RANBP2: variants seen among roughly 807,000 people sequenced by gnomAD.
RANBP2 encodes the protein E3 SUMO-protein ligase RanBP2.
RANBP2 carries 57 observed loss-of-function variants against 303.6 expected under a neutral mutation model. That is an observed-to-expected ratio of 0.19 (90% CI 0.15 to 0.23). The LOEUF (loss-of-function observed/expected upper bound fraction) is 0.23. RANBP2 is among the 10% of genes least tolerant of loss of function. The pLI is 1.00. For missense variants in RANBP2, 3,138 were observed against 3,780.8 expected, an observed-to-expected ratio of 0.83 and a Z score of 4.46; for synonymous variants, 1,167 against 1,301.5, an observed-to-expected ratio of 0.90 and a Z score of 2.23.
the RANBP2 span, among the ~76,000 whole-genome samples, chr2:109,113,040 T>C: frequency 6.6e-6 from 1 of 152,196 alleles, no homozygotes; most frequent in Non-Finnish European, 1.5e-5. Flanking sequence ...ACTGTAGCCT[T>C]GTAGTATAGT....
chr2:109,287,604 G>T, the RANBP2 span, among the ~76,000 whole-genome samples: 2 of 152,156 alleles, frequency 1.3e-5, no homozygotes, highest in African/African-American at 2.4e-5. Flanking sequence ...ATACCCAGGC[G>T]CAGGTGGTTG....
the RANBP2 span, among the ~76,000 whole-genome samples, chr2:109,159,482 A>G: frequency 6.6e-6 from 1 of 152,320 alleles, no homozygotes; most frequent in Non-Finnish European, 1.5e-5. Flanking sequence ...GGCTTGTTTT[A>G]CAAGTCAGCT....
the RANBP2 span, among the ~76,000 whole-genome samples, chr2:109,304,152 C>T: frequency 1.3e-5 from 2 of 151,956 alleles, no homozygotes; most frequent in African/African-American, 2.4e-5. Flanking sequence ...GTAGACAGTA[C>T]AGTATTGTTA....
chr2:109,289,624 G>A, the RANBP2 span, among the ~76,000 whole-genome samples: 1 of 152,312 alleles, frequency 6.6e-6, no homozygotes, highest in Non-Finnish European at 1.5e-5. Flanking sequence ...GAGACATCAC[G>A]TGGAAAGCTA....
chr2:109,605,830 CAG>C, the RANBP2 span: 1 of 152,164 alleles, frequency 6.6e-6, no homozygotes, highest in African/African-American at 2.4e-5. Flanking sequence ...TCTACCAAAA[CAG>C]AGAGCCCCCA....
At chr2:109,165,702 A>G in the RANBP2 span, among the ~76,000 whole-genome samples, 1 of 152,208 alleles carries the variant, frequency 6.6e-6, no homozygotes, top group South Asian at 2.1e-4. Flanking sequence ...GCCTGGTGGT[A>G]TGGACGAGTG....
At chr2:109,164,375 G>C in the RANBP2 span, among the ~76,000 whole-genome samples, 1 of 152,080 alleles carries the variant, frequency 6.6e-6, no homozygotes, top group Non-Finnish European at 1.5e-5. Flanking sequence ...TTAGAGATGG[G>C]GTCTTGCTGT....
chr2:109,577,912 C>CAAA, the RANBP2 span, among the ~76,000 whole-genome samples: 37 of 92,244 alleles, frequency 4.0e-4, no homozygotes, highest in African/African-American at 1.2e-3. Context: ...GACTTTGTCT[C>CAAA]AAAAAAAAAA....
chr2:109,727,489 T>G, the RANBP2 span, among the ~76,000 whole-genome samples: 1 of 152,228 alleles, frequency 6.6e-6, no homozygotes, highest in Non-Finnish European at 1.5e-5. Context: ...TCCTTTTCAC[T>G]ACATGTACCT....
At chr2:109,255,313 C>T in the RANBP2 span, among the ~76,000 whole-genome samples, 5 of 152,132 alleles carry the variant, frequency 3.3e-5, no homozygotes, top group South Asian at 2.1e-4. Flanking sequence ...TACCACCCAC[C>T]GGTGAAACTT....
At chr2:108,741,194 AATTTTTAT>A (rs892355123) in intron 7 of RANBP2, among the ~76,000 whole-genome samples, 1 of 151,734 alleles carries the variant, frequency 6.6e-6, no homozygotes, top group African/African-American at 2.4e-5. Context: ...ACCTTTTCTT[AATTTTTAT>A]TTTTTTATTT....
Position 108,772,490 on chromosome 2 carries a change from T to G in RANBP2, c.8022T>G (p.Asp2674Glu). ...PDYVSEEEED[D>E]EDFETAVKKL... ...TCTTTTAATCAATTGTATTTTAAGATGAAGATTTCGAAACAGCTGTCAAGA... is the reference window on the plus strand; with the variant it reads ...TCTTTTAATCAATTGTATTTTAAGAGGAAGATTTCGAAACAGCTGTCAAGA... The change falls in exon 22 of 29, where the codon GAT (aspartate) becomes GAG (glutamate). Residue 2674 changes from aspartate to glutamate, a missense_variant and splice_region_variant. By Grantham distance (45) the Asp-to-Glu change is conservative (BLOSUM62 2). Coordinates refer to ENST00000283195, the MANE Select transcript of RANBP2 (RefSeq NM_006267.5). The G allele has an allele frequency of 6.2e-7, 1 of 1,612,282 alleles. No individual in the cohort carries two copies. Among genetic ancestry groups the G allele is most frequent in the Non-Finnish European group, 8.5e-7 (1 of 1,178,578 alleles).
the RANBP2 span, among the ~76,000 whole-genome samples, chr2:109,156,463 G>C: frequency 1.4e-5 from 2 of 146,572 alleles, no homozygotes; most frequent in Admixed American, 1.4e-4. Context: ...TTTTTTTTTT[G>C]AGATGAAGTT....
chr2:109,646,165 C>T, the RANBP2 span, among the ~76,000 whole-genome samples: 65 of 152,214 alleles, frequency 4.3e-4, no homozygotes, highest in Non-Finnish European at 7.9e-4. Context: ...CTGGTCTTCT[C>T]CCAGGTGACT....
the RANBP2 span, among the ~76,000 whole-genome samples, chr2:109,646,923 T>C: frequency 6.6e-6 from 1 of 152,140 alleles, no homozygotes; most frequent in Non-Finnish European, 1.5e-5. Context: ...TTGAAAACAA[T>C]ACTAGGAGTT....
At chr2:109,744,657 A>G in the RANBP2 span, among the ~76,000 whole-genome samples, 2 of 94,618 alleles carry the variant, frequency 2.1e-5, 1 homozygote, top group Non-Finnish European at 5.4e-5. Context: ...CAAATAATTA[A>G]TTGTATGAAA....
the RANBP2 span, among the ~76,000 whole-genome samples, chr2:109,246,984 T>A: frequency 6.9e-4 from 105 of 152,364 alleles, no homozygotes; most frequent in Admixed American, 2.5e-3. Flanking sequence ...TGGTGGAGGA[T>A]GCTGGTTAGT....
the RANBP2 span, among the ~76,000 whole-genome samples, chr2:109,101,558 A>C: frequency 3.4e-4 from 52 of 152,124 alleles, no homozygotes; most frequent in Non-Finnish European, 6.6e-4. Context: ...AAAAACCCAA[A>C]AACAACAACA....
chr2:109,400,099 A>G, the RANBP2 span, among the ~76,000 whole-genome samples: 11 of 152,324 alleles, frequency 7.2e-5, no homozygotes, highest in South Asian at 6.2e-4. Context: ...CAAAATCACA[A>G]TGAACTCAGA....
Sources: gnomAD v4.1 joint callset for allele counts (sites outside exome capture counted in the v4.1 genomes callset) on GRCh38, gnomAD v4.1.1 for gene constraint, MANE v1.5 for transcripts, NCBI Gene and HGNC (gene_info 2026-07-23, HGNC 2026-07-21) for gene names.